PDIA5: variants seen among roughly 807,000 people sequenced by gnomAD.
The protein encoded by PDIA5 is protein disulfide isomerase family A member 5, also known as protein disulfide-isomerase A5.
A neutral mutation model predicts 77.6 loss-of-function variants in PDIA5; 58 were observed. The ratio of observed to expected loss-of-function variants is 0.75; its 90% CI spans 0.61 to 0.93. The LOEUF (loss-of-function observed/expected upper bound fraction) is 0.93, where lower values mean the gene tolerates loss of function less well. PDIA5 is among the 40% of genes least tolerant of loss of function. The pLI, the probability that PDIA5 is intolerant of heterozygous loss-of-function variation, is 0.00. For synonymous variants in PDIA5, 250 were observed against 252.1 expected (o/e 0.99, Z 0.08); for missense variants, 630 against 647.7 (o/e 0.97, Z 0.30).
intron 10 of PDIA5, among the ~76,000 whole-genome samples, chr3:123,129,449 G>C (rs868807211): frequency 1.2e-4 from 19 of 152,344 alleles, no homozygotes; most frequent in Middle Eastern, 6.8e-3. Context: ...GAGTTCCATT[G>C]TGTCAGCCAC....
At chr3:123,071,752 C>T (rs568864427) in intron 1 of PDIA5, among the ~76,000 whole-genome samples, 5 of 152,126 alleles carry the variant, frequency 3.3e-5, no homozygotes, top group Middle Eastern at 3.2e-3. Context: ...ACTGGCCTCA[C>T]AAGGAGGGCA....
chr3:123,116,045 G>A (rs999290742), intron 7 of PDIA5, among the ~76,000 whole-genome samples, 186 bp from the exon 8 acceptor site: 3 of 152,254 alleles, frequency 2.0e-5, no homozygotes, highest in Admixed American at 2.0e-4. Context: ...GATACAGTAA[G>A]CTCTTTGGGG....
chr3:123,161,673 C>T (rs1444128798), intron 16 of PDIA5: 2 of 648,894 alleles, frequency 3.1e-6, no homozygotes, highest in Non-Finnish European at 5.3e-6. Flanking sequence ...CAGAGGCAGG[C>T]TGGACTCCAG....
At chr3:123,153,708 A>C (rs947212827) in intron 14 of PDIA5, among the ~76,000 whole-genome samples, 2 of 152,308 alleles carry the variant, frequency 1.3e-5, no homozygotes, top group African/African-American at 4.8e-5. Context: ...CCACTCTGCC[A>C]GCCAGGCCAT....
At chr3:123,161,239 A>T in intron 15 of PDIA5, 82 bp from the exon 16 acceptor site, 2 of 1,437,994 alleles carry the variant, frequency 1.4e-6, no homozygotes, top group South Asian at 2.6e-5. Flanking sequence ...TGTGACGTGG[A>T]CTAGATGTGC....
Position 123,146,091 on chromosome 3 carries a change from C to G in PDIA5, c.982-8C>G, listed in dbSNP as rs1171251762. The G allele has an allele frequency of 1.9e-6, 3 of 1,613,644 alleles. No homozygotes were observed. The highest frequency in any genetic ancestry group is 1.7e-6 in the Non-Finnish European group (2 of 1,179,732). ...TGTAATGCATGGTTGGCCTTTCCCC[C>G]ATCCCAGAGCTCTGGTGTCCTTGCA... On this transcript the variant is annotated splice_region_variant and splice_polypyrimidine_tract_variant and intron_variant, in intron 12 of 16. Coordinates refer to ENST00000316218, the MANE Select transcript of PDIA5 (RefSeq NM_006810.4).
At chr3:123,154,124 G>T (rs565796123) in intron 14 of PDIA5, among the ~76,000 whole-genome samples, 2 of 152,298 alleles carry the variant, frequency 1.3e-5, no homozygotes, top group East Asian at 3.9e-4. Flanking sequence ...GGAGAAAGTG[G>T]CCCCCACAGA....
In PDIA5 at chr3:123,130,469, T is replaced by C. The variant is rs559238112; in HGVS notation, c.774-11T>C. 6.2e-7 allele frequency: 1 copy of C among 1,611,808 alleles called. No individual in the cohort carries two copies. Among genetic ancestry groups the C allele is most frequent in the Admixed American group, 1.7e-5 (1 of 59,756 alleles). On this transcript the variant is annotated splice_polypyrimidine_tract_variant and intron_variant, in intron 10 of 16. Coordinates refer to ENST00000316218, the MANE Select transcript of PDIA5 (RefSeq NM_006810.4). Reference sequence around the variant, plus strand: ...GCCTGCTCTGAGCTCTGCCTGTTTTTGGTCTTCCAGTCCGCAGCCGCCACA... The same window carrying C: ...GCCTGCTCTGAGCTCTGCCTGTTTTCGGTCTTCCAGTCCGCAGCCGCCACA...
chr3:123,146,366 C>A, intron 13 of PDIA5, 107 bp downstream of exon 13: 1 of 918,492 alleles, frequency 1.1e-6, no homozygotes, highest in Non-Finnish European at 1.7e-6. Flanking sequence ...TGGGCTCATG[C>A]CCGTAGGAGT....
At chr3:123,089,101 G>A in intron 1 of PDIA5, 67 bp from the exon 2 acceptor site, 1 of 1,518,034 alleles carries the variant, frequency 6.6e-7, no homozygotes. Context: ...GCACATCCAT[G>A]GGCACCGATT....
chr3:123,120,795 C>T (rs529331892), intron 8 of PDIA5, among the ~76,000 whole-genome samples: 41 of 152,170 alleles, frequency 2.7e-4, no homozygotes, highest in Middle Eastern at 3.4e-3. Context: ...AGGCTCTTTC[C>T]CCACCCCCCA....
chr3:123,110,143 C>T (rs6797673), intron 6 of PDIA5, among the ~76,000 whole-genome samples: 94,527 of 152,182 alleles, frequency 0.62, 31,708 homozygotes, highest in Middle Eastern at 0.79. Flanking sequence ...CCATCATTGG[C>T]TCTCATTGGA....
At chr3:123,072,816 A>G (rs981533642) in intron 1 of PDIA5, among the ~76,000 whole-genome samples, 1 of 152,092 alleles carries the variant, frequency 6.6e-6, no homozygotes, top group Non-Finnish European at 1.5e-5. Flanking sequence ...CTGAGTGACA[A>G]TGGGCCAGAA....
At chr3:123,143,350 G>A (rs925214083) in intron 11 of PDIA5, among the ~76,000 whole-genome samples, 1 of 142,782 alleles carries the variant, frequency 7.0e-6, no homozygotes, top group Non-Finnish European at 1.5e-5. Context: ...GTGTGCCACT[G>A]TACTCCAGCC....
intron 8 of PDIA5, among the ~76,000 whole-genome samples, chr3:123,121,509 C>G (rs1450909988): frequency 6.6e-6 from 1 of 152,178 alleles, no homozygotes; most frequent in East Asian, 1.9e-4. Context: ...TAATAGATGC[C>G]CCCAAAATGG....
At chr3:123,114,734 G>C (rs1934952760) in intron 7 of PDIA5, among the ~76,000 whole-genome samples, 1 of 152,228 alleles carries the variant, frequency 6.6e-6, no homozygotes, top group African/African-American at 2.4e-5. Flanking sequence ...CACTGATGGT[G>C]TTCGCACTGA....
At chr3:123,069,558 C>T (rs956483476) in intron 1 of PDIA5, among the ~76,000 whole-genome samples, 1 of 152,116 alleles carries the variant, frequency 6.6e-6, no homozygotes, top group African/African-American at 2.4e-5. Flanking sequence ...ATCAGGGTGC[C>T]AGCATGGTTG....
intron 1 of PDIA5, among the ~76,000 whole-genome samples, chr3:123,068,410 T>A (rs1459765598): frequency 6.6e-6 from 1 of 152,202 alleles, no homozygotes; most frequent in Non-Finnish European, 1.5e-5. Context: ...TTCTCTTCGG[T>A]CTGTGTTCTC....
intron 2 of PDIA5, among the ~76,000 whole-genome samples, chr3:123,090,922 G>C (rs16833891): frequency 6.6e-6 from 1 of 152,174 alleles, no homozygotes; most frequent in Admixed American, 6.5e-5. Context: ...CCTGCTGCAC[G>C]AGAGACATGT....
Sources: gnomAD v4.1 joint callset for allele counts (sites outside exome capture counted in the v4.1 genomes callset) on GRCh38, gnomAD v4.1.1 for gene constraint, MANE v1.5 for transcripts, NCBI Gene and HGNC (gene_info 2026-07-23, HGNC 2026-07-21) for gene names.